Variants in BMPER observed in about 807,000 individuals in gnomAD.
The protein encoded by BMPER is BMP binding endothelial regulator, also known as BMP-binding endothelial regulator protein.
BMPER carries 45 observed loss-of-function variants against 87.3 expected under a neutral mutation model. The observed-to-expected ratio is 0.52, with a 90% CI of 0.41 to 0.66. The LOEUF (loss-of-function observed/expected upper bound fraction) is 0.66, where lower values mean the gene tolerates loss of function less well. Ranked by LOEUF, BMPER falls within the 30% of genes least tolerant of loss-of-function variation. The pLI, the probability that BMPER is intolerant of heterozygous loss-of-function variation, is 0.00. For synonymous variants in BMPER, 326 were observed against 316.2 expected (o/e 1.03, Z -0.33); for missense variants, 784 against 867.5 (o/e 0.90, Z 1.21).
chr7:33,991,320 C>G, intron 6 of BMPER, among the ~76,000 whole-genome samples: 1 of 151,938 alleles, frequency 6.6e-6, no homozygotes, highest in Non-Finnish European at 1.5e-5. Context: ...TTCAGAGATT[C>G]AACTTCTTCC....
intron 6 of BMPER, among the ~76,000 whole-genome samples, chr7:33,992,780 A>G (rs4260796): frequency 0.88 from 116,361 of 132,266 alleles, 51,365 homozygotes; most frequent in African/African-American, 0.95. Flanking sequence ...CATGTTTAGC[A>G]CTTCCTTCAG....
At chr7:33,940,328 AT>A (rs1301397870) in intron 3 of BMPER, among the ~76,000 whole-genome samples, 1 of 152,184 alleles carries the variant, frequency 6.6e-6, no homozygotes, top group African/African-American at 2.4e-5. Flanking sequence ...CTCAACATTC[AT>A]TTGGTCGTTT....
intron 13 of BMPER, among the ~76,000 whole-genome samples, chr7:34,088,135 G>C (rs1276491761): frequency 6.6e-6 from 1 of 152,190 alleles, no homozygotes; most frequent in Non-Finnish European, 1.5e-5. Context: ...AATGTTCTTG[G>C]GATCCTTGTG....
intron 6 of BMPER, among the ~76,000 whole-genome samples, chr7:34,034,343 T>G (rs1787606511): frequency 6.6e-6 from 1 of 152,186 alleles, no homozygotes. Context: ...AGATCATCTT[T>G]CAGTAGGAAG....
intron 13 of BMPER, among the ~76,000 whole-genome samples, chr7:34,113,875 T>TGGTA (rs1476048414): frequency 1.3e-5 from 2 of 152,164 alleles, no homozygotes; most frequent in African/African-American, 4.8e-5. Flanking sequence ...TCTACTGCCA[T>TGGTA]GGTAGTCTGA....
chr7:34,054,583 C>A (rs1195245572), intron 8 of BMPER, among the ~76,000 whole-genome samples: 1 of 152,180 alleles, frequency 6.6e-6, no homozygotes, highest in Non-Finnish European at 1.5e-5. Flanking sequence ...GGTAAGTGGC[C>A]TGGTCAAAGT....
chr7:34,038,395 T>G (rs2127954319), intron 6 of BMPER, among the ~76,000 whole-genome samples: 1 of 152,310 alleles, frequency 6.6e-6, no homozygotes, highest in Non-Finnish European at 1.5e-5. Flanking sequence ...GGAAACAGAT[T>G]CTTCTCTAGA....
chr7:34,069,905 T>C (rs1245683896), intron 11 of BMPER, among the ~76,000 whole-genome samples: 3 of 152,162 alleles, frequency 2.0e-5, no homozygotes, highest in Admixed American at 6.5e-5. Context: ...AATGCTGTCA[T>C]TCTTTCTTCT....
intron 13 of BMPER, among the ~76,000 whole-genome samples, chr7:34,108,605 T>TCCCTGTAAA (rs1328013869): frequency 6.6e-6 from 1 of 152,240 alleles, no homozygotes; most frequent in Non-Finnish European, 1.5e-5. Context: ...CTTTAGTGTA[T>TCCCTGTAAA]CCCTGTAAAC....
intron 1 of BMPER, 26 bp from the exon 2 acceptor site, chr7:33,906,792 A>G: frequency 6.3e-7 from 1 of 1,592,414 alleles, no homozygotes; most frequent in Middle Eastern, 1.7e-4. Context: ...ACTTTAAATG[A>G]AACATTTTTC....
At chr7:33,969,173 A>G (rs1785474635) in intron 4 of BMPER, among the ~76,000 whole-genome samples, 1 of 152,140 alleles carries the variant, frequency 6.6e-6, no homozygotes, top group Non-Finnish European at 1.5e-5. Flanking sequence ...AAAATGACCT[A>G]GTTGTTAATT....
intron 4 of BMPER, among the ~76,000 whole-genome samples, chr7:33,967,211 C>T (rs1033306940): frequency 2.0e-5 from 3 of 152,088 alleles, no homozygotes; most frequent in African/African-American, 2.4e-5. Context: ...AACAAGCAAA[C>T]AAAAACTTTT....
chr7:34,082,494 T>C (rs1789079410), intron 12 of BMPER, among the ~76,000 whole-genome samples: 1 of 152,054 alleles, frequency 6.6e-6, no homozygotes, highest in African/African-American at 2.4e-5. Flanking sequence ...AAGCCTAGCA[T>C]TGGTCTGTGA....
At chr7:34,077,376 A>G (rs2127973170) in intron 11 of BMPER, among the ~76,000 whole-genome samples, 1 of 152,324 alleles carries the variant, frequency 6.6e-6, no homozygotes. Flanking sequence ...CGACCAAGAA[A>G]GGAATAAGAA....
intron 6 of BMPER, among the ~76,000 whole-genome samples, chr7:34,009,202 G>C (rs960209561): frequency 6.6e-6 from 1 of 151,850 alleles, no homozygotes; most frequent in Non-Finnish European, 1.5e-5. Context: ...ACCAAGCCCA[G>C]CTTCAACCCT....
chr7:34,143,273 T>G lies in BMPER; in HGVS notation c.1789T>G (p.Cys597Gly). 1 of 1,614,092 alleles carries G rather than the reference T, an allele frequency of 6.2e-7. No homozygotes were observed. Among genetic ancestry groups the G allele is most frequent in the African/African-American group, 1.3e-5 (1 of 75,042 alleles). The change falls in exon 14 of 15, where the codon TGT (cysteine) becomes GGT (glycine). Residue 597 changes from cysteine (C) to glycine (G), a missense_variant. Physicochemically the swap from Cys to Gly is radical, Grantham distance 159. Transcript: ENST00000649409. ...GTGTGAATGTCCAGTCCATAAAAAC[T>G]GTTATTGCGAGTCATTTTTGGCATA... ...DMCECPVHKN[C>G]YCESFLAYTR...
intron 5 of BMPER, 87 bp from the exon 6 acceptor site, chr7:33,974,615 C>A (rs746509150): frequency 3.0e-6 from 4 of 1,311,700 alleles, no homozygotes; most frequent in African/African-American, 1.5e-5. Context: ...TGGAGGTGGG[C>A]AACGGATGAA....
chr7:33,934,746 C>G (rs983205375), intron 2 of BMPER, among the ~76,000 whole-genome samples: 3 of 152,164 alleles, frequency 2.0e-5, no homozygotes, highest in South Asian at 2.1e-4. Flanking sequence ...GCCCTGAGAG[C>G]TTTGAACTCT....
intron 6 of BMPER, among the ~76,000 whole-genome samples, chr7:34,038,477 G>A (rs1452970167): frequency 1.3e-5 from 2 of 152,182 alleles, no homozygotes; most frequent in Non-Finnish European, 1.5e-5. Flanking sequence ...ACTTCTGACT[G>A]TAAGAAAATA....
Sources: gnomAD v4.1 joint callset for allele counts (sites outside exome capture counted in the v4.1 genomes callset) on GRCh38, gnomAD v4.1.1 for gene constraint, MANE v1.5 for transcripts, NCBI Gene and HGNC (gene_info 2026-07-23, HGNC 2026-07-21) for gene names.